Variants in ETS2 observed in about 807,000 individuals in gnomAD.
ETS2 encodes the protein ETS proto-oncogene 2, transcription factor, also known as protein C-ets-2.
A neutral mutation model predicts 54.9 loss-of-function variants in ETS2; 19 were observed. The ratio of observed to expected loss-of-function variants is 0.35; its 90% CI spans 0.24 to 0.51. The LOEUF is 0.51. Among genes scored for constraint, ETS2 ranks in the 20% least tolerant of loss-of-function variants. The pLI is 0.97. For missense variants in ETS2, 417 were observed against 593.0 expected, an observed-to-expected ratio of 0.70 and a Z score of 3.08; for synonymous variants, 219 against 229.3, an observed-to-expected ratio of 0.95 and a Z score of 0.41.
At chr21:38,805,846 C>A, upstream of ETS2, 1 of 1,120,844 alleles carries the variant, frequency 8.9e-7, no homozygotes, top group South Asian at 1.6e-5. This position sits in a 1 kb window ranked among gnomAD's most constrained non-coding sequence, Gnocchi z 5.2. Flanking sequence ...CCTCCCCTCC[C>A]CTCCACTCGG....
chr21:38,815,990 GGAAGGAAGGAAGGAAGGAA>G (rs2060931822), intron 5 of ETS2, among the ~76,000 whole-genome samples: 7 of 168 alleles, frequency 0.042, no homozygotes, highest in Non-Finnish European at 0.051. Context: ...AAGGAAGGAA[GGAAGGAAGGAAGGAAGGAA>G]GGAGGGAGGG....
chr21:38,805,494 A>C (rs868469755), upstream of ETS2: 3 of 1,287,920 alleles, frequency 2.3e-6, no homozygotes, highest in Admixed American at 2.3e-5. This position sits in a 1 kb window ranked among gnomAD's most constrained non-coding sequence, Gnocchi z 5.2. Context: ...CGCTCCACGG[A>C]AAGTCTCCGC....
At chr21:38,805,766 C>A, upstream of ETS2, 2 of 806,658 alleles carry the variant, frequency 2.5e-6, no homozygotes, top group Non-Finnish European at 1.7e-6. The surrounding 1 kb of genome is among the most constrained non-coding windows in gnomAD (Gnocchi z 5.2). Context: ...CCCCATCCTG[C>A]CTACCTCCCT....
intron 5 of ETS2, among the ~76,000 whole-genome samples, chr21:38,815,858 T>C (rs2060930813): frequency 6.7e-6 from 1 of 149,058 alleles, no homozygotes; most frequent in Non-Finnish European, 1.5e-5. Flanking sequence ...GAGAATCCCT[T>C]GAGCCCGGGA....
At chr21:38,810,407 G>C (rs1366787054) in intron 2 of ETS2, among the ~76,000 whole-genome samples, 1 of 152,160 alleles carries the variant, frequency 6.6e-6, no homozygotes, top group Non-Finnish European at 1.5e-5. Flanking sequence ...AGCTGGAGAG[G>C]CTGTCTCTAC....
intron 2 of ETS2, among the ~76,000 whole-genome samples, chr21:38,811,753 T>C (rs1207528533): frequency 1.3e-5 from 2 of 152,254 alleles, no homozygotes. Context: ...GTCTCTTCTT[T>C]TCTGCAGATA....
chr21:38,805,669 T>A, upstream of ETS2: 1 of 1,186,052 alleles, frequency 8.4e-7, no homozygotes, highest in Non-Finnish European at 1.1e-6. This position sits in a 1 kb window ranked among gnomAD's most constrained non-coding sequence, Gnocchi z 5.2. Flanking sequence ...GCCTCCGCCC[T>A]CCTCTTCTCT....
chr21:38,819,629 G>T lies in ETS2; in HGVS notation c.938G>T (p.Ser313Ile). Residue 313 changes from serine (S) to isoleucine (I), a missense_variant, in exon 8 of 10, where the codon AGC becomes ATC. Around this residue, in one of 3 missense-constraint regions of ETS2, gnomAD observed 326 missense variants for 426.1 expected, o/e 0.76. Transcript: ENST00000360938. ...LDVQRVPSFE[S>I]FEDDCSQSLC... Reference sequence around the variant, plus strand: ...GTGCAACGGGTTCCTTCCTTCGAGAGCTTCGAAGATGACTGCAGCCAGTCT... The same window carrying T: ...GTGCAACGGGTTCCTTCCTTCGAGATCTTCGAAGATGACTGCAGCCAGTCT... The T allele has an allele frequency of 3.1e-6, 5 of 1,614,190 alleles. No homozygotes were observed. The highest frequency in any genetic ancestry group is 4.2e-6 in the Non-Finnish European group (5 of 1,180,030).
chr21:38,806,063 C>T lies in ETS2; in HGVS notation c.-58C>T, dbSNP rs532798149. On this transcript the variant is annotated 5_prime_UTR_variant, in exon 1 of 10. Coordinates refer to ENST00000360938, the MANE Select transcript of ETS2 (RefSeq NM_005239.6). This position sits in a 1 kb window ranked among gnomAD's most constrained non-coding sequence, Gnocchi z 4.3. ...CCTCGCCCGGCGCGCACCGAGCAGCCGCGGGCGCCGAGCAGCCACCGTCCC... is the reference window on the plus strand; with the variant it reads ...CCTCGCCCGGCGCGCACCGAGCAGCTGCGGGCGCCGAGCAGCCACCGTCCC... 64 of 1,171,586 alleles carry T rather than the reference C, an allele frequency of 5.5e-5. No individual in the cohort carries two copies. In the South Asian group the frequency reaches 6.4e-4, roughly 12 times the overall value. The allele number at this position is 1,171,586 out of a possible 1,614,324, so 72.6% of individuals were successfully genotyped here.
chr21:38,817,056 C>A lies in ETS2; in HGVS notation c.554C>A (p.Thr185Asn). The change falls in exon 6 of 10, where the codon ACC (threonine) becomes AAC (asparagine). Residue 185 changes from threonine (T) to asparagine (N), a missense_variant. Thr to Asn is a moderately conservative substitution (Grantham distance 65). Coordinates refer to ENST00000360938, the MANE Select transcript of ETS2 (RefSeq NM_005239.6). ...CAATATGAAGAAAATTCACACCTCA[C>A]CTCCGTTCCTCATTGGATTAACAGC... ...EDQYEENSHLTSVPHWINSNT... is the reference protein window; with the variant it reads ...EDQYEENSHLNSVPHWINSNT... 1 of 1,612,778 alleles carries A rather than the reference C, an allele frequency of 6.2e-7. No individual in the cohort carries two copies. Among genetic ancestry groups the A allele is most frequent in the Non-Finnish European group, 8.5e-7 (1 of 1,178,800 alleles).
chr21:38,821,379 C>T lies in ETS2; in HGVS notation c.1076-207C>T, dbSNP rs2060957347. On this transcript the variant is annotated intron_variant, in intron 8 of 9. Coordinates refer to ENST00000360938, the MANE Select transcript of ETS2 (RefSeq NM_005239.6). The surrounding 1 kb of genome is among the most constrained non-coding windows in gnomAD (Gnocchi z 4.2). ...AGGAGTAGGCAGTGTGGAGCAGGAACTCACATTTGGTGCCCCGCCCCATCC... is the reference window on the plus strand; with the variant it reads ...AGGAGTAGGCAGTGTGGAGCAGGAATTCACATTTGGTGCCCCGCCCCATCC... Among the ~76,000 whole-genome samples the T allele has an allele frequency of 6.6e-6, 1 of 152,134 alleles. No homozygotes were observed. Among genetic ancestry groups the T allele is most frequent in the Non-Finnish European group, 1.5e-5 (1 of 68,024 alleles).
At chr21:38,820,299 T>C (rs2060952677) in intron 8 of ETS2, among the ~76,000 whole-genome samples, 1 of 152,224 alleles carries the variant, frequency 6.6e-6, no homozygotes, top group Non-Finnish European at 1.5e-5. Context: ...TTGTTTTCAC[T>C]GCTTCGTGTA....
intron 2 of ETS2, 114 bp downstream of exon 2, chr21:38,810,220 A>C: frequency 1.6e-6 from 1 of 612,944 alleles, no homozygotes; most frequent in Non-Finnish European, 2.8e-6. Flanking sequence ...TTCTTAATTT[A>C]TTGGCCATGT....
Position 38,824,933 on chromosome 21 carries a change from ATAAAG to A in ETS2, c.*2047_*2051del, listed in dbSNP as rs1380925854. 2.6e-5 allele frequency: 4 copies of A among 152,658 alleles called. No individual in the cohort carries two copies. The highest frequency in any genetic ancestry group is 4.4e-5 in the Non-Finnish European group (3 of 68,042). 9.5% of individuals were successfully genotyped at this position (152,658 alleles called of 1,614,324 possible). A position where few individuals can be genotyped will look rare whatever the true frequency, so the allele number is the denominator to read the frequency against. On this transcript the variant is annotated 3_prime_UTR_variant, in exon 10 of 10. Coordinates refer to ENST00000360938, the MANE Select transcript of ETS2 (RefSeq NM_005239.6). ...TAATTGGGCCTTTACTCTCTCAATA[ATAAAG>A]TATTTTGTTTATATAAATTCTTTGT... is the stretch of plus-strand genomic sequence containing the variant.
Position 38,821,435 on chromosome 21 carries a change from C to T in ETS2, c.1076-151C>T. ...AAGCACTTAGTACTGTCACCAACACCTTGAGTGCCACCCTGAGTGTAACAT... is the reference window on the plus strand; with the variant it reads ...AAGCACTTAGTACTGTCACCAACACTTTGAGTGCCACCCTGAGTGTAACAT... On this transcript the variant is annotated intron_variant, in intron 8 of 9. Coordinates refer to ENST00000360938, the MANE Select transcript of ETS2 (RefSeq NM_005239.6). This position sits in a 1 kb window ranked among gnomAD's most constrained non-coding sequence, Gnocchi z 4.2. The T allele has an allele frequency of 1.5e-6, 1 of 684,922 alleles. No homozygotes were observed. The highest frequency in any genetic ancestry group is 2.2e-5 in the Admixed American group (1 of 45,760). 42.4% of individuals were successfully genotyped at this position (684,922 alleles called of 1,614,324 possible).
At chr21:38,805,882 CCCT>C, upstream of ETS2, 3 of 1,213,410 alleles carry the variant, frequency 2.5e-6, no homozygotes, top group Non-Finnish European at 3.2e-6. This position sits in a 1 kb window ranked among gnomAD's most constrained non-coding sequence, Gnocchi z 5.2. Flanking sequence ...CCTCCCTCCT[CCCT>C]CCTCCTCCCG....
At chr21:38,810,563 G>A (rs1003572532) in intron 2 of ETS2, among the ~76,000 whole-genome samples, 4 of 152,144 alleles carry the variant, frequency 2.6e-5, no homozygotes, top group Non-Finnish European at 5.9e-5. Context: ...GCCTGTTACT[G>A]GCTCAGAGAA....
Position 38,823,179 on chromosome 21 carries a change from C to G in ETS2, c.*290C>G. Reference sequence around the variant, plus strand: ...TGGCAGTCCGTGGGACGGGATGGTTCTGGCTGTTTGAGATTCTCAAAGGAG... The same window carrying G: ...TGGCAGTCCGTGGGACGGGATGGTTGTGGCTGTTTGAGATTCTCAAAGGAG... On this transcript the variant is annotated 3_prime_UTR_variant, in exon 10 of 10. Transcript: ENST00000360938. 2 of 279,728 alleles carry G rather than the reference C, an allele frequency of 7.1e-6. No individual in the cohort carries two copies. 17.3% of individuals were successfully genotyped at this position (279,728 alleles called of 1,614,324 possible). A position where few individuals can be genotyped will look rare whatever the true frequency, so the allele number is the denominator to read the frequency against.
rs568690328 is a variant in ETS2, at chr21:38,807,499, G to A, written c.-1+1379G>A. Among the ~76,000 whole-genome samples the A allele has an allele frequency of 2.7e-5, 4 of 149,504 alleles. No individual in the cohort carries two copies. The East Asian group carries it at 7.8e-4, about 29-fold the overall frequency. ...AAATTGATTTATGTGGAAAAACTTG[G>A]CTTGTCTGCCATCTAACAAGCCCTG... is the stretch of plus-strand genomic sequence containing the variant. On this transcript the variant is annotated intron_variant, in intron 1 of 9. Transcript: ENST00000360938.
Sources: gnomAD v4.1 joint callset for allele counts (sites outside exome capture counted in the v4.1 genomes callset) on GRCh38, gnomAD v4.1.1 for gene constraint, gnomAD v4.1.1 regional missense constraint, Gnocchi (gnomAD v3.1) non-coding constraint, MANE v1.5 for transcripts, NCBI Gene and HGNC (gene_info 2026-07-23, HGNC 2026-07-21) for gene names.